ACLY: variants seen among roughly 807,000 people sequenced by gnomAD.
ACLY encodes ATP-citrate synthase.
Under a neutral mutation model 133.0 loss-of-function variants are expected in ACLY, and 41 were observed. The observed-to-expected ratio is 0.31, with a 90% CI of 0.24 to 0.40. The LOEUF (loss-of-function observed/expected upper bound fraction) is 0.40. Ranked by LOEUF, ACLY falls within the 10% of genes least tolerant of loss-of-function variation. ACLY has a pLI of 1.00. For missense variants in ACLY, 1,046 were observed against 1,453.8 expected, an observed-to-expected ratio of 0.72 and a Z score of 4.56; for synonymous variants, 495 against 549.3, an observed-to-expected ratio of 0.90 and a Z score of 1.38.
At chr17:41,892,240 T>TGGGG in intron 16 of ACLY, 39 bp downstream of exon 16, 5 of 400,150 alleles carry the variant, frequency 1.2e-5, no homozygotes, top group Non-Finnish European at 1.6e-5. Context: ...GCATAGTTCA[T>TGGGG]GGTCCCCACC....
At chr17:41,903,722 C>T (rs375687869) in intron 10 of ACLY, among the ~76,000 whole-genome samples, 21 of 136,500 alleles carry the variant, frequency 1.5e-4, no homozygotes, top group Middle Eastern at 4.1e-3. Flanking sequence ...CGCCACTGCA[C>T]GCCAGCCTGG....
At chr17:41,918,840 G>A (rs1555634936) in intron 1 of ACLY, 40 bp downstream of exon 1, 2 of 1,285,166 alleles carry the variant, frequency 1.6e-6, no homozygotes, top group East Asian at 5.7e-5. Flanking sequence ...CTCCTAGGGC[G>A]AGCGGGCTCC....
At position 41,869,083 on chromosome 17, in the gene ACLY, C is replaced by T. The variant is rs376874300; in HGVS notation, c.3094G>A (p.Ala1032Thr). 42 of 1,613,904 alleles carry T rather than the reference C, an allele frequency of 2.6e-5. No homozygotes were observed. In the African/African-American group the frequency reaches 3.3e-4, roughly 13 times the overall value. The change falls in exon 27 of 29, where the codon GCA becomes ACA. Residue 1032 changes from alanine to threonine, a missense_variant. This residue lies in a region of ACLY where 205 missense variants were observed against 373.3 expected (regional missense o/e 0.55). Coordinates refer to ENST00000352035, the MANE Select transcript of ACLY (RefSeq NM_001096.3). ...ILNVDGLIGV[A>T]FVDMLRNCGS... ...CAGTTTCTAAGCATGTCTACAAATG[C>T]GACTCCGATGAGACCATCTACATTC...
At chr17:41,876,597 TG>T (rs1177661718) in intron 22 of ACLY, among the ~76,000 whole-genome samples, 3 of 152,216 alleles carry the variant, frequency 2.0e-5, no homozygotes, top group Admixed American at 6.5e-5. Context: ...GGGATCCTGT[TG>T]ATCTGTGACC....
intron 22 of ACLY, among the ~76,000 whole-genome samples, chr17:41,875,829 A>G (rs1281676704): frequency 6.6e-6 from 1 of 151,960 alleles, no homozygotes; most frequent in Non-Finnish European, 1.5e-5. Context: ...TGGCCTCCCA[A>G]AGTGCCGAGA....
intron 5 of ACLY, 57 bp downstream of exon 5, chr17:41,909,453 G>T (rs1046360531): frequency 1.3e-6 from 2 of 1,574,820 alleles, no homozygotes; most frequent in Admixed American, 1.7e-5. Flanking sequence ...TCTGTGCCCA[G>T]AGCCTGTCGG....
At chr17:41,916,563 G>T (rs542449644) in intron 1 of ACLY, among the ~76,000 whole-genome samples, 5 of 151,566 alleles carry the variant, frequency 3.3e-5, no homozygotes, top group African/African-American at 1.2e-4. Context: ...TTTTAGTAGA[G>T]GCGGGGTTTC....
At chr17:41,872,743 C>A (rs902564896) in intron 23 of ACLY, among the ~76,000 whole-genome samples, 9 of 152,216 alleles carry the variant, frequency 5.9e-5, no homozygotes, top group African/African-American at 1.9e-4. Context: ...TGTGGCTATG[C>A]TCCATGTGCC....
At chr17:41,894,619 C>A (rs1282076259) in intron 14 of ACLY, among the ~76,000 whole-genome samples, 1 of 151,038 alleles carries the variant, frequency 6.6e-6, no homozygotes, top group Non-Finnish European at 1.5e-5. Flanking sequence ...ACGCCTGTAC[C>A]AAAATATCTC....
intron 5 of ACLY, among the ~76,000 whole-genome samples, chr17:41,909,273 A>C (rs2049822149): frequency 6.6e-6 from 1 of 152,182 alleles, no homozygotes; most frequent in Non-Finnish European, 1.5e-5. Context: ...TCAGGCGAGA[A>C]GCTGGAGGCA....
intron 1 of ACLY, 96 bp from the exon 2 acceptor site, chr17:41,913,992 A>G (rs1425683951): frequency 8.4e-7 from 1 of 1,183,538 alleles, no homozygotes; most frequent in African/African-American, 1.5e-5. Flanking sequence ...CCCCCAGACA[A>G]TAAAACCAGA....
Position 41,871,791 on chromosome 17 carries a change from C to T in ACLY, c.2835G>A (p.Met945Ile), listed in dbSNP as rs782035238. The T allele has an allele frequency of 6.2e-7, 1 of 1,614,180 alleles. No individual in the cohort carries two copies. Among genetic ancestry groups the T allele is most frequent in the South Asian group, 1.1e-5 (1 of 91,088 alleles). ...TGCCACTGTCAAAGGCTTTACTGAA[C>T]ATCTTGGCTGCTGCATCCAAGGCAC... ...FGGALDAAAK[M>I]FSKAFDSGII... The change falls in exon 25 of 29, where the codon ATG becomes ATA. Residue 945 changes from methionine to isoleucine, a missense_variant. This residue lies in a region of ACLY where 205 missense variants were observed against 373.3 expected (regional missense o/e 0.55). Coordinates refer to ENST00000352035, the MANE Select transcript of ACLY (RefSeq NM_001096.3).
chr17:41,868,671 T>TAA, intron 28 of ACLY, 38 bp downstream of exon 28: 1 of 1,478,660 alleles, frequency 6.8e-7, no homozygotes. Flanking sequence ...CCGTGGGGTT[T>TAA]AAAAAAAAAC....
chr17:41,883,106 C>A lies in ACLY; in HGVS notation c.2265+16G>T, dbSNP rs1555627636. ...ATCCCCACTCCCAGCCCAGAAGTGACCCATCTCAGCCATACCTCAGAGGAG... is the reference window on the plus strand; with the variant it reads ...ATCCCCACTCCCAGCCCAGAAGTGAACCATCTCAGCCATACCTCAGAGGAG... On this transcript the variant is annotated intron_variant, in intron 20 of 28. Coordinates refer to ENST00000352035, the MANE Select transcript of ACLY (RefSeq NM_001096.3). 2 of 1,606,332 alleles carry A rather than the reference C, an allele frequency of 1.2e-6. No individual in the cohort carries two copies. The highest frequency in any genetic ancestry group is 1.7e-6 in the Non-Finnish European group (2 of 1,174,444).
At chr17:41,900,101 C>CTATA (rs1208079639) in intron 11 of ACLY, among the ~76,000 whole-genome samples, 1 of 104,048 alleles carries the variant, frequency 9.6e-6, no homozygotes, top group Non-Finnish European at 2.0e-5. Context: ...AAAAAATTGC[C>CTATA]TATAATCTCA....
At chr17:41,885,311 A>G (rs2049019897) in intron 18 of ACLY, among the ~76,000 whole-genome samples, 4 of 152,256 alleles carry the variant, frequency 2.6e-5, no homozygotes, top group East Asian at 1.9e-4. Context: ...CTACACCCCT[A>G]AAGACCTTGG....
intron 10 of ACLY, chr17:41,904,486 G>T: frequency 1.9e-6 from 1 of 516,626 alleles, no homozygotes. Flanking sequence ...CGCCTCCCAT[G>T]CTTCAGGTGG....
chr17:41,906,046 T>C (rs1555632581), intron 8 of ACLY, among the ~76,000 whole-genome samples: 1 of 152,188 alleles, frequency 6.6e-6, no homozygotes, highest in Non-Finnish European at 1.5e-5. Flanking sequence ...GAATGGCAGA[T>C]TGCACATCTA....
At chr17:41,910,039 C>A (rs1440260461) in intron 4 of ACLY, among the ~76,000 whole-genome samples, 183 bp downstream of exon 4, 2 of 152,180 alleles carry the variant, frequency 1.3e-5, no homozygotes, top group African/African-American at 4.8e-5. Context: ...CTGCTGTAGA[C>A]CAAGCCCTTT....
Sources: allele counts gnomAD v4.1 joint callset (sites outside exome capture counted in the v4.1 genomes callset), GRCh38; gene constraint gnomAD v4.1.1; regional missense constraint gnomAD v4.1.1; transcripts MANE v1.5; gene names NCBI Gene and HGNC (gene_info 2026-07-23, HGNC 2026-07-21).